Variants in CTNNA2 observed in about 807,000 individuals in gnomAD.
The protein encoded by CTNNA2 is catenin alpha 2, also known as catenin alpha-2.
In CTNNA2, 42 loss-of-function variants were observed where a neutral mutation model predicts 101.0. The ratio of observed to expected loss-of-function variants is 0.42; its 90% CI spans 0.32 to 0.54. The LOEUF is 0.54. CTNNA2 is among the 20% of genes least tolerant of loss of function. The pLI, the probability that CTNNA2 is intolerant of heterozygous loss-of-function variation, is 0.14. For missense variants in CTNNA2, 871 were observed against 1,223.1 expected (o/e 0.71, Z 4.29); for synonymous variants, 450 against 456.4 (o/e 0.99, Z 0.18).
chr2:80,204,523 C>G (rs1214130172), intron 7 of CTNNA2, among the ~76,000 whole-genome samples: 1 of 152,208 alleles, frequency 6.6e-6, no homozygotes, highest in Non-Finnish European at 1.5e-5. Context: ...TGCTCCAGTT[C>G]CCAATAAGTT....
At chr2:79,429,431 C>T (rs1422740268) in intron 4 of CTNNA2, among the ~76,000 whole-genome samples, 1 of 152,056 alleles carries the variant, frequency 6.6e-6, no homozygotes, top group East Asian at 1.9e-4. Flanking sequence ...CAGCTCAGTG[C>T]TGATATGTAG....
chr2:79,672,871 A>G lies in CTNNA2; in HGVS notation c.102+21213A>G, dbSNP rs911183014. On this transcript the variant is annotated intron_variant, in intron 2 of 18. Transcript: ENST00000402739. ...ATTACAGGCGCCTGCCACCATGCCC[A>G]GCTAATTTTTGTATTTTTAGTAGAG... Among the ~76,000 whole-genome samples, 20 of 151,924 alleles carry G rather than the reference A, an allele frequency of 1.3e-4. 2 individuals carry two copies. In the East Asian group the frequency reaches 3.9e-3, roughly 30 times the overall value.
intron 2 of CTNNA2, among the ~76,000 whole-genome samples, chr2:79,727,798 A>G (rs1051879211): frequency 7.1e-6 from 1 of 140,188 alleles, no homozygotes; most frequent in East Asian, 2.2e-4. Context: ...TCATTGTTCA[A>G]TTCCCACATA....
chr2:80,633,631 C>T (rs1269346686), intron 18 of CTNNA2, among the ~76,000 whole-genome samples: 1 of 152,042 alleles, frequency 6.6e-6, no homozygotes, highest in African/African-American at 2.4e-5. Context: ...CATGTTCTAC[C>T]CAGAAATGAA....
intron 7 of CTNNA2, among the ~76,000 whole-genome samples, chr2:79,929,393 T>C (rs903071727): frequency 2.8e-4 from 42 of 152,204 alleles, no homozygotes; most frequent in African/African-American, 9.2e-4. Context: ...ATTCCGAAAC[T>C]GTATGTATGA....
At chr2:80,179,172 A>G (rs891139874) in intron 7 of CTNNA2, among the ~76,000 whole-genome samples, 1 of 152,228 alleles carries the variant, frequency 6.6e-6, no homozygotes, top group African/African-American at 2.4e-5. Flanking sequence ...GCTGCATACC[A>G]GTTACCAAGA....
intron 2 of CTNNA2, among the ~76,000 whole-genome samples, chr2:79,710,713 G>A (rs1685687161): frequency 6.6e-6 from 1 of 152,098 alleles, no homozygotes; most frequent in African/African-American, 2.4e-5. Context: ...GTAGATGTGT[G>A]TATGTTTGTG....
At chr2:79,805,000 C>A (rs1181981092) in intron 3 of CTNNA2, among the ~76,000 whole-genome samples, 1 of 152,070 alleles carries the variant, frequency 6.6e-6, no homozygotes, top group Non-Finnish European at 1.5e-5. Context: ...GTCACCATGA[C>A]CAAAGGAGCT....
intron 3 of CTNNA2, among the ~76,000 whole-genome samples, chr2:79,746,176 A>C (rs188509784): frequency 4.6e-5 from 7 of 152,212 alleles, no homozygotes; most frequent in African/African-American, 1.4e-4. Flanking sequence ...AGAACTTTTT[A>C]TATGCTTCCT....
intron 17 of CTNNA2, among the ~76,000 whole-genome samples, chr2:80,618,316 AT>A (rs534225789): frequency 6.6e-6 from 1 of 151,652 alleles, no homozygotes; most frequent in African/African-American, 2.4e-5. Context: ...TTGCCATTTG[AT>A]TTTTTCTACA....
At chr2:80,334,729 AC>A (rs2149268515) in intron 7 of CTNNA2, among the ~76,000 whole-genome samples, 1 of 152,300 alleles carries the variant, frequency 6.6e-6, no homozygotes, top group African/African-American at 2.4e-5. Context: ...CAATCAGAGC[AC>A]CTTCACTCCT....
intron 10 of CTNNA2, among the ~76,000 whole-genome samples, chr2:80,545,310 G>C (rs1464015625): frequency 6.6e-6 from 1 of 152,202 alleles, no homozygotes; most frequent in East Asian, 1.9e-4. Context: ...GCTCTGGGAG[G>C]CTGAAGTGGG....
chr2:80,230,260 G>GTTT lies in CTNNA2; in HGVS notation c.1057-162936_1057-162934dup, dbSNP rs375509574. The stretch of plus-strand genomic sequence containing the variant: ...TCTCTCTCTCTCTTTTTTTTTCTTT[G>GTTT]TTTTTTTTTTTTTTTTTAAGAGATA... On this transcript the variant is annotated intron_variant, in intron 7 of 18. Transcript: ENST00000402739. Among the ~76,000 whole-genome samples, 594 of 121,592 alleles carry GTTT rather than the reference G, an allele frequency of 4.9e-3. 8 individuals are homozygous for GTTT. Among genetic ancestry groups the GTTT allele is most frequent in the African/African-American group, 0.018 (539 of 30,380 alleles). The allele number at this position is 121,592 out of a possible 152,430, so 79.8% of individuals were successfully genotyped here. A position where few individuals can be genotyped will look rare whatever the true frequency, so the allele number is the denominator to read the frequency against.
intron 7 of CTNNA2, among the ~76,000 whole-genome samples, chr2:80,338,296 C>CTTTTT (rs201060579): frequency 8.0e-6 from 1 of 125,632 alleles, no homozygotes; most frequent in African/African-American, 3.6e-5. Context: ...GCCTTTTTTT[C>CTTTTT]TTTTTCTTTT....
At chr2:79,646,320 C>A (rs1680810222) in intron 1 of CTNNA2, among the ~76,000 whole-genome samples, 1 of 152,162 alleles carries the variant, frequency 6.6e-6, no homozygotes, top group Non-Finnish European at 1.5e-5. Context: ...CCCTTGGCTG[C>A]TTCACAGAGG....
At chr2:79,523,358 C>A in intron 1 of CTNNA2, 1 of 334,248 alleles carries the variant, frequency 3.0e-6, no homozygotes, top group Non-Finnish European at 5.9e-6. Flanking sequence ...TAAATGGTAA[C>A]ATGATGTTCT....
chr2:80,170,292 A>C (rs1325782674), intron 7 of CTNNA2, among the ~76,000 whole-genome samples: 3 of 151,802 alleles, frequency 2.0e-5, no homozygotes, highest in Admixed American at 2.0e-4. Flanking sequence ...TCAAAGTGAC[A>C]ACTAGCCTAC....
chr2:80,624,330 T>G (rs1240180531), intron 18 of CTNNA2, among the ~76,000 whole-genome samples: 8 of 152,040 alleles, frequency 5.3e-5, no homozygotes, highest in African/African-American at 1.9e-4. Flanking sequence ...ATGGTCTATG[T>G]TGAAAATGTT....
Position 79,243,091 on chromosome 2 carries a change from A to C in CTNNA2, c.-406+45015A>C, listed in dbSNP as rs552752280. 2.0e-4 allele frequency among the ~76,000 whole-genome samples: 30 copies of C among 151,532 alleles called. No individual in the cohort carries two copies. The South Asian group carries it at 5.2e-3, about 26-fold the overall frequency. ...TATTATGCCTTCTTTCTTATTGTCT[A>C]CCTTACCCAAAAAGAACTGTCAGAG... On this transcript the variant is annotated intron_variant, in intron 2 of 21. Transcript: ENST00000466387.
Sources: gnomAD v4.1 joint callset for allele counts (sites outside exome capture counted in the v4.1 genomes callset) on GRCh38, gnomAD v4.1.1 for gene constraint, MANE v1.5 for transcripts, NCBI Gene and HGNC (gene_info 2026-07-23, HGNC 2026-07-21) for gene names.